Variants in LPP observed in about 807,000 individuals in gnomAD.
LPP encodes the protein lipoma-preferred partner.
In LPP, 38 loss-of-function variants were observed where a neutral mutation model predicts 60.4. The ratio of observed to expected loss-of-function variants is 0.63; its 90% CI spans 0.49 to 0.83. The LOEUF (loss-of-function observed/expected upper bound fraction) is 0.83, where lower values mean the gene tolerates loss of function less well. LPP is among the 40% of genes least tolerant of loss of function. The probability of loss-of-function intolerance (pLI) is 0.00; values close to 1 mark genes in which losing one functional copy is unlikely to be tolerated. For synonymous variants in LPP, 328 were observed against 290.8 expected, an observed-to-expected ratio of 1.13 and a Z score of -1.30; for missense variants, 902 against 783.6, an observed-to-expected ratio of 1.15 and a Z score of -1.80.
chr3:188,871,881 A>G lies in LPP; in HGVS notation c.1590-762A>G, dbSNP rs142509709. Among the ~76,000 whole-genome samples the G allele has an allele frequency of 6.8e-3, 1,031 of 152,328 alleles. 11 individuals are homozygous for G. The highest frequency in any genetic ancestry group is 0.024 in the African/African-American group (995 of 41,574). On this transcript the variant is annotated intron_variant, in intron 10 of 11. Coordinates refer to ENST00000617246, the MANE Select transcript of LPP (RefSeq NM_001375462.1). Reference sequence around the variant, plus strand: ...AAATTAATAAGTATTAAAAGTATTTACCAGCAGCCTCAAAAACATATGCAT... The same window carrying G: ...AAATTAATAAGTATTAAAAGTATTTGCCAGCAGCCTCAAAAACATATGCAT...
chr3:188,843,644 G>A (rs1034510694), intron 9 of LPP, among the ~76,000 whole-genome samples: 1 of 150,664 alleles, frequency 6.6e-6, no homozygotes, highest in Non-Finnish European at 1.5e-5. Context: ...AAAATTAGCC[G>A]GGCGCAGTGG....
At chr3:188,258,346 A>C (rs138843150) in intron 2 of LPP, among the ~76,000 whole-genome samples, 170 of 152,342 alleles carry the variant, frequency 1.1e-3, no homozygotes, top group African/African-American at 3.8e-3. Context: ...GTTTTGAGAC[A>C]GCGTCTCCCT....
At chr3:188,318,783 G>T (rs1442907632) in intron 2 of LPP, among the ~76,000 whole-genome samples, 1 of 118,186 alleles carries the variant, frequency 8.5e-6, no homozygotes, top group Admixed American at 9.9e-5. Context: ...TTTTGAGACG[G>T]AGTCTCGCTC....
intron 1 of LPP, chr3:188,212,928 T>A (rs962398205): frequency 6.6e-6 from 1 of 152,252 alleles, no homozygotes; most frequent in Non-Finnish European, 1.5e-5. Flanking sequence ...TTGCTGGGAG[T>A]GCTGGTCACT....
At chr3:188,668,632 T>C (rs1266691036) in intron 7 of LPP, among the ~76,000 whole-genome samples, 1 of 152,228 alleles carries the variant, frequency 6.6e-6, no homozygotes, top group Non-Finnish European at 1.5e-5. Flanking sequence ...GCTTCTCTGA[T>C]GCATCAATCT....
chr3:188,381,808 T>G (rs1025210485), intron 3 of LPP, among the ~76,000 whole-genome samples: 1 of 152,162 alleles, frequency 6.6e-6, no homozygotes, highest in Non-Finnish European at 1.5e-5. Flanking sequence ...TAATTGACAA[T>G]TAACTGTTGT....
At position 188,824,758 on chromosome 3, in the gene LPP, T is replaced by A. The variant is rs1269832185; in HGVS notation, c.1411-41442T>A. Among the ~76,000 whole-genome samples the A allele has an allele frequency of 2.0e-5, 3 of 152,162 alleles. No individual in the cohort carries two copies. In the East Asian group the frequency reaches 5.8e-4, roughly 29 times the overall value. On this transcript the variant is annotated intron_variant, in intron 9 of 11. Transcript: ENST00000617246. ...TTGCTTATTCTGAGTGCCGTCAGAATCGTTAAGTACCATATGTCCAGTGTC... is the reference window on the plus strand; with the variant it reads ...TTGCTTATTCTGAGTGCCGTCAGAAACGTTAAGTACCATATGTCCAGTGTC...
intron 3 of LPP, among the ~76,000 whole-genome samples, chr3:188,381,484 CTT>C (rs943272290): frequency 4.6e-5 from 7 of 152,140 alleles, no homozygotes; most frequent in African/African-American, 1.7e-4. Flanking sequence ...GCCAACATCT[CTT>C]TACTCTAGAA....
intron 5 of LPP, among the ~76,000 whole-genome samples, chr3:188,513,654 G>A (rs914549083): frequency 1.3e-5 from 2 of 151,758 alleles, no homozygotes; most frequent in Admixed American, 6.6e-5. Flanking sequence ...ATTTTATAAG[G>A]ATTGGAATTC....
rs73888964 is a variant in LPP, at chr3:188,883,154, A to T, written c.*8675A>T. The T allele has an allele frequency of 0.025, 5,534 of 219,648 alleles. 301 individuals carry two copies. The highest frequency in any genetic ancestry group is 0.12 in the African/African-American group (5,154 of 44,668). The allele number at this position is 219,648 out of a possible 1,614,324, so 13.6% of individuals were successfully genotyped here. A position where few individuals can be genotyped will look rare whatever the true frequency, so the allele number is the denominator to read the frequency against. ...TTTGGTGCCACACAAAACCTGTAGT[A>T]CATGATACAGTGTTGCTTCCCCCCT... On this transcript the variant is annotated 3_prime_UTR_variant, in exon 12 of 12. Coordinates refer to ENST00000617246, the MANE Select transcript of LPP (RefSeq NM_001375462.1).
chr3:188,318,822 G>A (rs1490630567), intron 2 of LPP, among the ~76,000 whole-genome samples: 16 of 140,406 alleles, frequency 1.1e-4, no homozygotes, highest in Middle Eastern at 3.4e-3. Flanking sequence ...GCAGTGGCGC[G>A]ATCTCGGCTC....
At chr3:188,811,501 G>A (rs562157158) in intron 9 of LPP, among the ~76,000 whole-genome samples, 131 of 151,406 alleles carry the variant, frequency 8.7e-4, no homozygotes, top group East Asian at 3.7e-3. Flanking sequence ...TAGATAGTGC[G>A]TAAGAATTGG....
intron 3 of LPP, among the ~76,000 whole-genome samples, chr3:188,402,266 T>C (rs1782432295): frequency 6.6e-6 from 1 of 152,166 alleles, no homozygotes; most frequent in African/African-American, 2.4e-5. Flanking sequence ...AAAAAAATGC[T>C]ATAAAATGAT....
In LPP at chr3:188,484,637, C is replaced by G; in HGVS notation, c.239C>G (p.Ala80Gly). 1 of 1,613,998 alleles carries G rather than the reference C, an allele frequency of 6.2e-7. No individual in the cohort carries two copies. Among genetic ancestry groups the G allele is most frequent in the Non-Finnish European group, 8.5e-7 (1 of 1,179,952 alleles). Residue 80 changes from alanine to glycine, a missense_variant, in exon 5 of 12, where the codon GCC becomes GGC. Ala to Gly is a moderately conservative substitution (Grantham distance 60). Coordinates refer to ENST00000617246, the MANE Select transcript of LPP (RefSeq NM_001375462.1). ...PPPPPLDDSS[A>G]LPSISGNFPP... Reference sequence around the variant, plus strand: ...CCTCCACCTCTAGATGATTCCAGTGCCCTTCCATCTATCTCTGGAAACTTT... The same window carrying G: ...CCTCCACCTCTAGATGATTCCAGTGGCCTTCCATCTATCTCTGGAAACTTT...
In LPP at chr3:188,494,947, G is replaced by T. The variant is rs984925192; in HGVS notation, c.306+10243G>T. Among the ~76,000 whole-genome samples, 5 of 149,832 alleles carry T rather than the reference G, an allele frequency of 3.3e-5. No individual in the cohort carries two copies. The East Asian group carries it at 8.0e-4, about 24-fold the overall frequency. ...AATATTTTCACTGTTGTGATATTTT[G>T]GGCTAGCAGGTCTCTGTGCTGGGTT... On this transcript the variant is annotated intron_variant, in intron 5 of 11. Coordinates refer to ENST00000617246, the MANE Select transcript of LPP (RefSeq NM_001375462.1).
chr3:188,301,064 A>G (rs910302968), intron 2 of LPP, among the ~76,000 whole-genome samples: 2 of 151,478 alleles, frequency 1.3e-5, no homozygotes, highest in African/African-American at 2.4e-5. Context: ...CCTTTTTTCC[A>G]TGCTTGTTTT....
intron 2 of LPP, among the ~76,000 whole-genome samples, chr3:188,240,341 G>C (rs1723739547): frequency 2.1e-5 from 3 of 145,208 alleles, no homozygotes; most frequent in South Asian, 2.2e-4. Flanking sequence ...TTTTGGGTAA[G>C]AGTGTGTGTG....
chr3:188,216,167 A>G (rs1713480244), intron 1 of LPP, among the ~76,000 whole-genome samples: 1 of 152,020 alleles, frequency 6.6e-6, no homozygotes, highest in African/African-American at 2.4e-5. Context: ...ATATATAGAT[A>G]TGTGGCATGA....
chr3:188,289,315 G>A (rs748914801), intron 2 of LPP, among the ~76,000 whole-genome samples: 6 of 152,088 alleles, frequency 3.9e-5, no homozygotes, highest in Non-Finnish European at 7.4e-5. Flanking sequence ...GGATACTAAC[G>A]ATACATTAAT....
Sources: gnomAD v4.1 joint callset for allele counts (sites outside exome capture counted in the v4.1 genomes callset) on GRCh38, gnomAD v4.1.1 for gene constraint, MANE v1.5 for transcripts, NCBI Gene and HGNC (gene_info 2026-07-23, HGNC 2026-07-21) for gene names.